Variants in DMD observed in about 807,000 individuals in gnomAD.
DMD encodes the protein dystrophin.
A neutral mutation model predicts 330.1 loss-of-function variants in DMD; 63 were observed. The observed-to-expected ratio is 0.19, with a 90% CI of 0.16 to 0.24. The LOEUF (loss-of-function observed/expected upper bound fraction) is 0.24, where lower values mean the gene tolerates loss of function less well. DMD is among the 10% of genes least tolerant of loss of function. DMD has a pLI of 1.00. For missense variants in DMD, 3,344 were observed against 2,684.1 expected (o/e 1.25, Z -5.43); for synonymous variants, 1,223 against 959.8 (o/e 1.27, Z -5.07).
chrX:32,431,791 A>G (rs2098239361), intron 29 of DMD, among the ~76,000 whole-genome samples: 1 of 110,848 alleles, frequency 9.0e-6, no homozygotes, highest in South Asian at 3.8e-4. Context: ...CAATTCTAAT[A>G]TCCGGAATTC....
chrX:32,413,509 C>A (rs2098152659), intron 29 of DMD, among the ~76,000 whole-genome samples: 1 of 109,795 alleles, frequency 9.1e-6, no homozygotes, highest in African/African-American at 3.3e-5. Context: ...AATCTTTTCT[C>A]TCTCTCTCCA....
intron 43 of DMD, among the ~76,000 whole-genome samples, chrX:32,263,599 C>T (rs766518753): frequency 1.8e-5 from 2 of 111,768 alleles, no homozygotes; most frequent in African/African-American, 6.5e-5. Flanking sequence ...ACGAAATAGC[C>T]GTGACAATTC....
chrX:32,345,463 T>G (rs1421002801), intron 39 of DMD, among the ~76,000 whole-genome samples: 1 of 111,254 alleles, frequency 9.0e-6, no homozygotes, highest in East Asian at 2.8e-4. Context: ...AAAGAGTGAC[T>G]TTCTTAAAGG....
In DMD at chrX:32,310,070, C is replaced by A; in HGVS notation, c.6117+12G>T. On this transcript the variant is annotated intron_variant, in intron 42 of 78. Coordinates refer to ENST00000357033, the MANE Select transcript of DMD (RefSeq NM_004006.3). Reference sequence around the variant, plus strand: ...ACCTTGTAAAATACGAATGAAAGTGCTTTGGTTTTACCTTCAGAGACTCCT... The same window carrying A: ...ACCTTGTAAAATACGAATGAAAGTGATTTGGTTTTACCTTCAGAGACTCCT... The A allele has an allele frequency of 2.5e-6, 3 of 1,199,762 alleles. No homozygotes were observed. The highest frequency in any genetic ancestry group is 3.4e-6 in the Non-Finnish European group (3 of 885,496).
intron 25 of DMD, among the ~76,000 whole-genome samples, chrX:32,462,062 T>C (rs1447194267): frequency 9.0e-6 from 1 of 111,042 alleles, no homozygotes; most frequent in Non-Finnish European, 1.9e-5. Flanking sequence ...ACCAACTGCC[T>C]CTAACACGTA....
intron 3 of DMD, among the ~76,000 whole-genome samples, chrX:32,848,981 CTG>C (rs1228382137): frequency 1.8e-5 from 2 of 110,580 alleles, no homozygotes; most frequent in Admixed American, 1.9e-4. Flanking sequence ...ATGACAAAAT[CTG>C]TGTGTGTCTG....
intron 56 of DMD, among the ~76,000 whole-genome samples, chrX:31,506,873 A>G (rs2071001720): frequency 8.9e-6 from 1 of 112,194 alleles, no homozygotes; most frequent in African/African-American, 3.2e-5. Context: ...TGTGTTATAA[A>G]GGGTTTTAAA....
intron 1 of DMD, among the ~76,000 whole-genome samples, chrX:33,157,398 GCCCACCCCAC>G (rs1251527814): frequency 9.0e-6 from 1 of 111,224 alleles, no homozygotes; most frequent in Non-Finnish European, 1.9e-5. Context: ...TAGATTAAAG[GCCCACCCCAC>G]TCCAATATGA....
intron 52 of DMD, among the ~76,000 whole-genome samples, chrX:31,719,211 G>A (rs1204172884): frequency 8.9e-6 from 1 of 111,875 alleles, no homozygotes; most frequent in East Asian, 2.8e-4. Context: ...GAGTCCTAAT[G>A]GTTACCCCTC....
At chrX:31,608,900 A>T (rs1250185346) in intron 55 of DMD, among the ~76,000 whole-genome samples, 2 of 111,827 alleles carry the variant, frequency 1.8e-5, no homozygotes, top group East Asian at 5.6e-4. Flanking sequence ...TGATTGCAGA[A>T]GGTGGAGAAG....
chrX:32,564,626 T>G (rs2051464659), intron 16 of DMD, among the ~76,000 whole-genome samples: 1 of 112,274 alleles, frequency 8.9e-6, no homozygotes, highest in Non-Finnish European at 1.9e-5. Flanking sequence ...TATTACAATT[T>G]ATATTCATAT....
At chrX:32,312,965 G>C (rs867731627) in intron 41 of DMD, among the ~76,000 whole-genome samples, 2 of 20,800 alleles carry the variant, frequency 9.6e-5, no homozygotes, top group East Asian at 1.8e-3. Context: ...AAAAAAAAAA[G>C]CCCAGGACCA....
chrX:33,124,035 C>T (rs1358151726), intron 1 of DMD, among the ~76,000 whole-genome samples: 1 of 108,614 alleles, frequency 9.2e-6, no homozygotes, highest in Non-Finnish European at 1.9e-5. Flanking sequence ...GGCGTAGTGG[C>T]GAATGCTTAT....
intron 7 of DMD, among the ~76,000 whole-genome samples, chrX:32,804,297 G>T (rs772517457): frequency 8.9e-6 from 1 of 112,037 alleles, no homozygotes; most frequent in African/African-American, 3.2e-5. Flanking sequence ...AGGGAGGGGC[G>T]TCCGCCATTA....
intron 1 of DMD, among the ~76,000 whole-genome samples, chrX:33,116,722 C>T (rs185776530): frequency 2.7e-5 from 3 of 111,160 alleles, no homozygotes; most frequent in Non-Finnish European, 3.8e-5. Context: ...GTAACTAGGA[C>T]TTGAATTGAA....
intron 7 of DMD, among the ~76,000 whole-genome samples, chrX:32,785,389 T>C (rs2075262278): frequency 9.0e-6 from 1 of 111,570 alleles, no homozygotes; most frequent in Non-Finnish European, 1.9e-5. Context: ...TGAATTATTA[T>C]GATTATTCAA....
intron 44 of DMD, among the ~76,000 whole-genome samples, chrX:32,069,372 T>C (rs1467478473): frequency 9.0e-6 from 1 of 111,719 alleles, no homozygotes; most frequent in Non-Finnish European, 1.9e-5. Context: ...TAAAAGGTAA[T>C]AATAATTATT....
intron 2 of DMD, among the ~76,000 whole-genome samples, chrX:33,012,351 G>A (rs2093717888): frequency 9.0e-6 from 1 of 110,818 alleles, no homozygotes; most frequent in Non-Finnish European, 1.9e-5. Flanking sequence ...TCACATGCCA[G>A]TAAAGTGGTA....
chrX:31,889,669 A>G (rs1029016723), intron 47 of DMD, among the ~76,000 whole-genome samples: 1 of 77,307 alleles, frequency 1.3e-5, no homozygotes, highest in Non-Finnish European at 2.6e-5. Flanking sequence ...ACACACACAC[A>G]CACACACACA....
Sources: gnomAD v4.1 joint callset for allele counts (sites outside exome capture counted in the v4.1 genomes callset) on GRCh38, gnomAD v4.1.1 for gene constraint, MANE v1.5 for transcripts, NCBI Gene and HGNC (gene_info 2026-07-23, HGNC 2026-07-21) for gene names.